EEA1: variants seen among roughly 807,000 people sequenced by gnomAD.
The protein encoded by EEA1 is early endosome antigen 1.
A neutral mutation model predicts 209.2 loss-of-function variants in EEA1; 111 were observed. The observed-to-expected ratio is 0.53, with a 90% CI of 0.45 to 0.62. EEA1 has a LOEUF of 0.62. EEA1 is among the 20% of genes least tolerant of loss of function. The pLI is 0.00. For missense variants in EEA1, 1,343 were observed against 1,530.8 expected (o/e 0.88, Z 2.05); for synonymous variants, 536 against 540.6 (o/e 0.99, Z 0.12).
At chr12:92,839,126 C>G (rs1219364296) in intron 10 of EEA1, among the ~76,000 whole-genome samples, 3 of 152,178 alleles carry the variant, frequency 2.0e-5, no homozygotes. Flanking sequence ...AAAGCCTAAT[C>G]TGAGATTGAT....
At chr12:92,855,599 T>C (rs528151905) in intron 5 of EEA1, among the ~76,000 whole-genome samples, 12 of 152,154 alleles carry the variant, frequency 7.9e-5, no homozygotes, top group Non-Finnish European at 1.6e-4. Context: ...TATACTACCT[T>C]GGCATTATTT....
chr12:92,886,915 A>G (rs568029831), intron 2 of EEA1, among the ~76,000 whole-genome samples: 37 of 151,898 alleles, frequency 2.4e-4, no homozygotes, highest in East Asian at 1.4e-3. Flanking sequence ...GGAGAATGGC[A>G]TGAGCCTGGG....
intron 9 of EEA1, among the ~76,000 whole-genome samples, chr12:92,844,301 G>A (rs2136703267): frequency 6.6e-6 from 1 of 152,144 alleles, no homozygotes. Context: ...TTTTAGGAAT[G>A]GAATATGTCT....
At chr12:92,923,389 A>G (rs1881087041) in intron 1 of EEA1, among the ~76,000 whole-genome samples, 1 of 152,202 alleles carries the variant, frequency 6.6e-6, no homozygotes. Flanking sequence ...TACTGTCTAC[A>G]GTATAAGGTC....
In EEA1 at chr12:92,775,899, G is replaced by C; in HGVS notation, c.*112C>G. The C allele has an allele frequency of 9.2e-7, 1 of 1,084,058 alleles. No individual in the cohort carries two copies. Among genetic ancestry groups the C allele is most frequent in the Non-Finnish European group, 1.3e-6 (1 of 789,410 alleles). 67.2% of individuals were successfully genotyped at this position (1,084,058 alleles called of 1,614,324 possible). ...TCCAAAATATACTAATTCCTATTTG[G>C]TCTAGTATTGCAACCAGTGTCCAAA... is the stretch of plus-strand genomic sequence containing the variant. On this transcript the variant is annotated 3_prime_UTR_variant, in exon 29 of 29. Transcript: ENST00000322349.
At chr12:92,856,123 T>C (rs1386620664) in intron 5 of EEA1, among the ~76,000 whole-genome samples, 1 of 152,194 alleles carries the variant, frequency 6.6e-6, no homozygotes, top group African/African-American at 2.4e-5. Context: ...AGTCACAATA[T>C]GCCAAGATAA....
chr12:92,782,043 C>T lies in EEA1; in HGVS notation c.3243G>A (p.Lys1081=). The change falls in exon 23 of 29, where the codon AAG becomes AAA. Residue 1081 remains lysine (K), a synonymous_variant. Transcript: ENST00000322349. ...GNQNKLIQEL[K]TAKATLEQDS... The stretch of plus-strand genomic sequence containing the variant: ...CCTGCTCCAATGTAGCCTTGGCAGT[C>T]TTCAGTTCTTGAATCAATTTATTTT... 2 of 1,612,944 alleles carry T rather than the reference C, an allele frequency of 1.2e-6. No individual in the cohort carries two copies. Among genetic ancestry groups the T allele is most frequent in the Non-Finnish European group, 8.5e-7 (1 of 1,179,280 alleles).
intron 17 of EEA1, 124 bp from the exon 18 acceptor site, chr12:92,809,280 T>TA: frequency 1.6e-6 from 1 of 627,824 alleles, no homozygotes; most frequent in South Asian, 4.7e-5. Flanking sequence ...TTTATTATAA[T>TA]AAAAAACATA....
chr12:92,898,213 A>G (rs991203082), intron 1 of EEA1, among the ~76,000 whole-genome samples: 1 of 152,212 alleles, frequency 6.6e-6, no homozygotes, highest in Non-Finnish European at 1.5e-5. Context: ...ATAAGATTAA[A>G]CTTTTATTTT....
intron 2 of EEA1, among the ~76,000 whole-genome samples, chr12:92,865,286 GTTGAGAAGATTTGCCATC>G (rs1269959690): frequency 2.0e-5 from 3 of 151,716 alleles, no homozygotes; most frequent in Non-Finnish European, 2.9e-5. Flanking sequence ...ATATAGATTA[GTTGAGAAGATTTGCCATC>G]ATATCCTTCC....
intron 2 of EEA1, among the ~76,000 whole-genome samples, chr12:92,865,993 C>T (rs541211917): frequency 1.3e-3 from 203 of 151,774 alleles, no homozygotes; most frequent in African/African-American, 4.8e-3. Flanking sequence ...AGGTGATCCA[C>T]CCGCCTCGGC....
chr12:92,818,377 A>G (rs1875891846), intron 14 of EEA1, among the ~76,000 whole-genome samples: 2 of 152,138 alleles, frequency 1.3e-5, no homozygotes, highest in Non-Finnish European at 2.9e-5. Flanking sequence ...CCTATTGTCC[A>G]ATGTCTGAAA....
At chr12:92,786,970 C>G (rs7131879) in intron 22 of EEA1, among the ~76,000 whole-genome samples, 13,957 of 152,182 alleles carry the variant, frequency 0.092, 790 homozygotes, top group South Asian at 0.2. Flanking sequence ...CACCTTTTCT[C>G]AAATGTGCCC....
intron 5 of EEA1, among the ~76,000 whole-genome samples, chr12:92,855,303 G>A (rs1877823245): frequency 6.6e-6 from 1 of 152,246 alleles, no homozygotes; most frequent in Non-Finnish European, 1.5e-5. Flanking sequence ...TGGCGGACGT[G>A]CCTGTAGTCC....
intron 18 of EEA1, 41 bp from the exon 19 acceptor site, chr12:92,802,775 T>C: frequency 1.4e-6 from 2 of 1,398,750 alleles, no homozygotes; most frequent in Non-Finnish European, 1.9e-6. Flanking sequence ...AACACATAAT[T>C]TACCACTTCT....
chr12:92,838,315 T>C (rs1255110507), intron 10 of EEA1, among the ~76,000 whole-genome samples: 1 of 152,188 alleles, frequency 6.6e-6, no homozygotes, highest in African/African-American at 2.4e-5. Flanking sequence ...CCTTTATTAA[T>C]AGCTTAATGT....
intron 2 of EEA1, chr12:92,883,854 T>C (rs1390896927): frequency 1.9e-6 from 3 of 1,602,818 alleles, no homozygotes; most frequent in East Asian, 2.2e-5. Flanking sequence ...AAACAACCGA[T>C]GAGAGCCTGA....
At chr12:92,865,113 T>C (rs1878319740) in intron 2 of EEA1, 126 bp from the exon 3 acceptor site, 1 of 671,914 alleles carries the variant, frequency 1.5e-6, no homozygotes, top group Non-Finnish European at 2.2e-6. Context: ...AATTTTATCT[T>C]ATGGTATTAA....
At chr12:92,879,417 C>G (rs1879046061) in intron 2 of EEA1, 1 of 419,930 alleles carries the variant, frequency 2.4e-6, no homozygotes, top group Non-Finnish European at 4.7e-6. Flanking sequence ...ATCCTAGAAA[C>G]AAGAGTAGAT....
Sources: allele counts gnomAD v4.1 joint callset (sites outside exome capture counted in the v4.1 genomes callset), GRCh38; gene constraint gnomAD v4.1.1; transcripts MANE v1.5; gene names NCBI Gene and HGNC (gene_info 2026-07-23, HGNC 2026-07-21).